CCDC63: variants seen among roughly 807,000 people sequenced by gnomAD.
The protein encoded by CCDC63 is coiled-coil domain containing 63.
CCDC63 carries 54 observed loss-of-function variants against 63.6 expected under a neutral mutation model. That is an observed-to-expected ratio of 0.85 (90% CI 0.68 to 1.07). CCDC63 has a LOEUF of 1.07. Among genes scored for constraint, CCDC63 ranks in the 50% least tolerant of loss-of-function variants. The probability of loss-of-function intolerance (pLI) is 0.00; values close to 1 mark genes in which losing one functional copy is unlikely to be tolerated. For missense variants in CCDC63, 637 were observed against 689.6 expected (o/e 0.92, Z 0.86); for synonymous variants, 253 against 266.1 (o/e 0.95, Z 0.48).
At chr12:110,852,794 C>T (rs574853870) in intron 1 of CCDC63, 65 bp from the exon 2 acceptor site, 393 of 1,001,902 alleles carry the variant, frequency 3.9e-4, no homozygotes, top group Non-Finnish European at 5.8e-4. Context: ...GAGGAGGTGC[C>T]GTTCTGACCT....
intron 1 of CCDC63, among the ~76,000 whole-genome samples, chr12:110,852,402 G>A (rs1395296612): frequency 6.6e-6 from 1 of 152,076 alleles, no homozygotes; most frequent in Admixed American, 6.6e-5. Flanking sequence ...TGGGATTACA[G>A]GTGTGTGCCA....
At chr12:110,890,282 A>T (rs1237043086) in intron 8 of CCDC63, among the ~76,000 whole-genome samples, 1 of 151,932 alleles carries the variant, frequency 6.6e-6, no homozygotes, top group Non-Finnish European at 1.5e-5. Context: ...CCATCTGGGC[A>T]AGAGAGCAAG....
chr12:110,862,709 T>C (rs1056374525), intron 4 of CCDC63, among the ~76,000 whole-genome samples: 1 of 152,068 alleles, frequency 6.6e-6, no homozygotes, highest in African/African-American at 2.4e-5. Flanking sequence ...GCCGCCCTTG[T>C]GGATAGGAAA....
intron 2 of CCDC63, 147 bp from the exon 3 acceptor site, chr12:110,853,258 A>G (rs1303123102): frequency 3.8e-6 from 3 of 797,274 alleles, no homozygotes; most frequent in African/African-American, 1.8e-5. Context: ...CATGTAATAG[A>G]CAAGCAGCTG....
At chr12:110,870,210 G>A (rs1486588410) in intron 4 of CCDC63, among the ~76,000 whole-genome samples, 1 of 152,050 alleles carries the variant, frequency 6.6e-6, no homozygotes, top group Admixed American at 6.5e-5. Flanking sequence ...AACCTCCCAA[G>A]TAGCGGAATT....
chr12:110,888,791 TTCCTTCCTTCC>T (rs2071317807), intron 8 of CCDC63, among the ~76,000 whole-genome samples: 3 of 4,546 alleles, frequency 6.6e-4, no homozygotes, highest in South Asian at 0.013. Context: ...CCTTCTTTCC[TTCCTTCCTTCC>T]TTCCTTCCTT....
chr12:110,877,448 A>G (rs1593669897), intron 5 of CCDC63, among the ~76,000 whole-genome samples: 1 of 152,084 alleles, frequency 6.6e-6, no homozygotes, highest in African/African-American at 2.4e-5. Flanking sequence ...GCCTGACCTC[A>G]CTCAGGTGAT....
rs2071330272 is a variant in CCDC63, at chr12:110,889,519, A to C, written c.1075-3557A>C. Among the ~76,000 whole-genome samples, 1 of 152,106 alleles carries C rather than the reference A, an allele frequency of 6.6e-6. No homozygotes were observed. Among genetic ancestry groups the C allele is most frequent in the Non-Finnish European group, 1.5e-5 (1 of 68,014 alleles). The stretch of plus-strand genomic sequence containing the variant: ...GGGGAAGAACGCTCCAGGCAGAGGA[A>C]ACAGCAACAGCACACGCAAAGGCCC... On this transcript the variant is annotated intron_variant, in intron 8 of 11. Coordinates refer to ENST00000308208, the MANE Select transcript of CCDC63 (RefSeq NM_152591.3). This position sits in a 1 kb window ranked among gnomAD's most constrained non-coding sequence, Gnocchi z 4.1.
chr12:110,904,876 A>G, intron 11 of CCDC63, 85 bp downstream of exon 11: 1 of 1,114,054 alleles, frequency 9.0e-7, no homozygotes, highest in Non-Finnish European at 1.3e-6. Flanking sequence ...GGTGCCCGAG[A>G]GGGTCTGCAG....
intron 8 of CCDC63, among the ~76,000 whole-genome samples, chr12:110,887,512 GA>G (rs2071299376): frequency 1.3e-5 from 2 of 152,046 alleles, no homozygotes; most frequent in Non-Finnish European, 1.5e-5. Context: ...TAAAACATAG[GA>G]AATGGAGCAG....
At position 110,865,464 on chromosome 12, in the gene CCDC63, C is replaced by CAAAAAAAAAAA. The variant is rs10585238; in HGVS notation, c.369+6697_369+6707dup. On this transcript the variant is annotated intron_variant, in intron 4 of 11. Coordinates refer to ENST00000308208, the MANE Select transcript of CCDC63 (RefSeq NM_152591.3). ...TAATTGATAGATGTTCAGCATATAC[C>CAAAAAAAAAAA]AAAAAAAAAAAAAAAAAAGAAAAAA... is the stretch of plus-strand genomic sequence containing the variant. 6.6e-3 allele frequency among the ~76,000 whole-genome samples: 671 copies of CAAAAAAAAAAA among 101,124 alleles called. 1 individual carries two copies. The highest frequency in any genetic ancestry group is 0.01 in the East Asian group (31 of 3,006). The allele number at this position is 101,124 out of a possible 152,430, so 66.3% of individuals were successfully genotyped here. A position where few individuals can be genotyped will look rare whatever the true frequency, so the allele number is the denominator to read the frequency against.
At chr12:110,861,052 A>C (rs1345081657) in intron 4 of CCDC63, among the ~76,000 whole-genome samples, 1 of 152,164 alleles carries the variant, frequency 6.6e-6, no homozygotes, top group Non-Finnish European at 1.5e-5. Context: ...AGCAGGAAGA[A>C]GAGAGAGACG....
Position 110,852,952 on chromosome 12 carries a change from A to G in CCDC63, c.-3A>G. The G allele has an allele frequency of 6.2e-7, 1 of 1,614,134 alleles. No homozygotes were observed. Among genetic ancestry groups the G allele is most frequent in the Non-Finnish European group, 8.5e-7 (1 of 1,180,022 alleles). On this transcript the variant is annotated 5_prime_UTR_variant, in exon 2 of 12. Transcript: ENST00000308208. ...AGTGGAGGCAAAGTGCGGTTCCTTC[A>G]AGATGTCTGTGGTAGGTGATGCCAG...
chr12:110,883,662 T>C (rs1022990755), intron 7 of CCDC63, among the ~76,000 whole-genome samples: 1 of 151,800 alleles, frequency 6.6e-6, no homozygotes, highest in Non-Finnish European at 1.5e-5. Context: ...TTTTTTGAGA[T>C]GGAGTCTTGC....
intron 11 of CCDC63, among the ~76,000 whole-genome samples, chr12:110,905,289 G>A (rs1047222091): frequency 6.6e-6 from 1 of 152,130 alleles, no homozygotes; most frequent in Non-Finnish European, 1.5e-5. Flanking sequence ...CTTCAACCTG[G>A]TCCATGCCAG....
chr12:110,862,670 G>C (rs2136659949), intron 4 of CCDC63, among the ~76,000 whole-genome samples: 1 of 152,350 alleles, frequency 6.6e-6, no homozygotes, highest in South Asian at 2.1e-4. Flanking sequence ...GGGCGGGCCT[G>C]CCTTCAGGTG....
At chr12:110,852,550 C>T (rs12581453) in intron 1 of CCDC63, among the ~76,000 whole-genome samples, 6,904 of 152,232 alleles carry the variant, frequency 0.045, 239 homozygotes, top group East Asian at 0.1. Flanking sequence ...CATAAGCCAC[C>T]ATGCCCGGCC....
chr12:110,878,282 A>G (rs1441487893), intron 5 of CCDC63, among the ~76,000 whole-genome samples: 1 of 152,202 alleles, frequency 6.6e-6, no homozygotes, highest in Non-Finnish European at 1.5e-5. Flanking sequence ...ATACACACAT[A>G]TAAGTATGTG....
intron 8 of CCDC63, among the ~76,000 whole-genome samples, chr12:110,891,290 A>C (rs920348820): frequency 6.6e-5 from 10 of 151,560 alleles, no homozygotes; most frequent in Non-Finnish European, 1.5e-4. Flanking sequence ...CAGCCTGGGC[A>C]ACAGAGCAAG....
Sources: allele counts gnomAD v4.1 joint callset (sites outside exome capture counted in the v4.1 genomes callset), GRCh38; gene constraint gnomAD v4.1.1; non-coding constraint Gnocchi (gnomAD v3.1); transcripts MANE v1.5; gene names NCBI Gene and HGNC (gene_info 2026-07-23, HGNC 2026-07-21).